KYNU: variants seen among roughly 807,000 people sequenced by gnomAD.
The protein encoded by KYNU is kynureninase.
Under a neutral mutation model 59.2 loss-of-function variants are expected in KYNU, and 54 were observed. That is an observed-to-expected ratio of 0.91 (90% CI 0.73 to 1.14). The LOEUF is 1.14. Among genes scored for constraint, KYNU ranks in the 50% most tolerant of loss-of-function variants. The pLI, the probability that KYNU is intolerant of heterozygous loss-of-function variation, is 0.00. For synonymous variants in KYNU, 177 were observed against 192.0 expected (o/e 0.92, Z 0.65); for missense variants, 567 against 554.4 (o/e 1.02, Z -0.23).
intron 10 of KYNU, among the ~76,000 whole-genome samples, chr2:143,024,153 T>C (rs1488399304): frequency 2.0e-5 from 3 of 151,990 alleles, no homozygotes; most frequent in East Asian, 1.9e-4. Flanking sequence ...TTTAACTTTC[T>C]TGATATTCAC....
chr2:142,969,037 T>C (rs1684632680), intron 8 of KYNU, among the ~76,000 whole-genome samples: 1 of 152,198 alleles, frequency 6.6e-6, no homozygotes, highest in African/African-American at 2.4e-5. Context: ...ATCATTTTTA[T>C]TCATCCTCAT....
intron 2 of KYNU, among the ~76,000 whole-genome samples, chr2:142,907,682 G>GAC (rs543381886): frequency 2.0e-5 from 3 of 150,628 alleles, no homozygotes; most frequent in Non-Finnish European, 4.5e-5. Flanking sequence ...CCTGATCATT[G>GAC]TCCCCCCGTT....
chr2:143,029,675 T>TAACAGTAA lies in KYNU; in HGVS notation c.952_955+4dup, dbSNP rs1487060066. 6.6e-7 allele frequency: 1 copy of TAACAGTAA among 1,524,458 alleles called. No homozygotes were observed. Among genetic ancestry groups the TAACAGTAA allele is most frequent in the Admixed American group, 1.7e-5 (1 of 59,924 alleles). The allele number at this position is 1,524,458 out of a possible 1,614,324, so 94.4% of individuals were successfully genotyped here. On this transcript the variant is annotated frameshift_variant, in exon 11 of 14. Transcript: ENST00000264170. LOFTEE classifies it high-confidence loss of function. ...AACTCAGCACCAGATTTAAGATGGA[T>TAACAGTAA]AACAGTAAGTGTATTTATTTTACCT...
chr2:143,028,478 A>T (rs1292685108), intron 10 of KYNU, among the ~76,000 whole-genome samples: 1 of 148,304 alleles, frequency 6.7e-6, no homozygotes, highest in Non-Finnish European at 1.5e-5. Flanking sequence ...TCCTGACCTC[A>T]TGATCCACCC....
chr2:142,983,777 A>T (rs146086857), intron 8 of KYNU, among the ~76,000 whole-genome samples: 1 of 152,224 alleles, frequency 6.6e-6, no homozygotes, highest in East Asian at 1.9e-4. Context: ...AATGCATTAC[A>T]TATTAACATA....
chr2:142,900,377 T>C lies in KYNU; in HGVS notation c.169+14841T>C, dbSNP rs188136896. On this transcript the variant is annotated intron_variant, in intron 2 of 13. Coordinates refer to ENST00000264170, the MANE Select transcript of KYNU (RefSeq NM_003937.3). ...AAGAGTGTGCAGTTGCAAGATTTAA[T>C]AGAGTGAAAACAGAGCTCCCATACA... is the stretch of plus-strand genomic sequence containing the variant. 2.0e-5 allele frequency among the ~76,000 whole-genome samples: 3 copies of C among 152,240 alleles called. No individual in the cohort carries two copies. The East Asian group carries it at 5.8e-4, about 29-fold the overall frequency.
intron 10 of KYNU, chr2:142,988,792 C>A: frequency 1.6e-6 from 2 of 1,280,184 alleles, no homozygotes; most frequent in South Asian, 1.2e-5. Flanking sequence ...AACTTCTAGC[C>A]TTGGCTCTCT....
chr2:142,932,413 G>A (rs543854669), intron 4 of KYNU, among the ~76,000 whole-genome samples: 1 of 151,920 alleles, frequency 6.6e-6, no homozygotes, highest in East Asian at 1.9e-4. Context: ...AGGGCTATTT[G>A]TTTCACTACC....
chr2:142,926,047 G>A (rs982580476), intron 3 of KYNU, among the ~76,000 whole-genome samples: 5 of 152,034 alleles, frequency 3.3e-5, no homozygotes, highest in Non-Finnish European at 5.9e-5. Flanking sequence ...ACCAAGCACC[G>A]CATGTTCTCA....
rs1687287686 is a variant in KYNU at position 143,052,774 on chromosome 2, C to T, written c.*10602C>T. 1 of 152,334 alleles carries T rather than the reference C, an allele frequency of 6.6e-6. No individual in the cohort carries two copies. The highest frequency in any genetic ancestry group is 2.4e-5 in the African/African-American group (1 of 41,474). 9.4% of individuals were successfully genotyped at this position (152,334 alleles called of 1,614,324 possible). ...CAGGGGCAAGGCCCTCATGGAGAAC[C>T]TCTGCTAGGGCAGTGAAGAAGGGAA... On this transcript the variant is annotated 3_prime_UTR_variant, in exon 14 of 14. Transcript: ENST00000264170.
At chr2:142,883,012 G>A (rs948275168) in intron 1 of KYNU, among the ~76,000 whole-genome samples, 1 of 151,954 alleles carries the variant, frequency 6.6e-6, no homozygotes, top group Admixed American at 6.6e-5. Context: ...ACTTTTTAAT[G>A]ATCGCCATTC....
intron 2 of KYNU, among the ~76,000 whole-genome samples, chr2:142,917,598 G>C (rs1682707486): frequency 6.6e-6 from 1 of 152,142 alleles, no homozygotes; most frequent in South Asian, 2.1e-4. Context: ...CACTGTGCCT[G>C]GCTGACATGA....
At chr2:142,967,570 G>A (rs758973012) in intron 8 of KYNU, 43 of 152,120 alleles carry the variant, frequency 2.8e-4, no homozygotes, top group African/African-American at 8.7e-4. Context: ...TCAGAAATAC[G>A]AATAAAGACA....
intron 10 of KYNU, among the ~76,000 whole-genome samples, chr2:142,997,868 G>C (rs567640030): frequency 6.6e-6 from 1 of 152,074 alleles, no homozygotes. Flanking sequence ...ATCAAGGAGA[G>C]TTTGGATATT....
chr2:142,992,170 CATGGCTAATGATAAT>C (rs1558964220), intron 10 of KYNU, among the ~76,000 whole-genome samples: 1 of 151,830 alleles, frequency 6.6e-6, no homozygotes, highest in African/African-American at 2.4e-5. Context: ...ATCACAAAAT[CATGGCTAATGATAAT>C]ATGTCAGAGC....
intron 8 of KYNU, among the ~76,000 whole-genome samples, chr2:142,966,709 C>G (rs62169909): frequency 6.6e-6 from 1 of 152,072 alleles, no homozygotes; most frequent in Admixed American, 6.5e-5. Context: ...TTATTTTGTC[C>G]ATTTAACAAA....
intron 10 of KYNU, among the ~76,000 whole-genome samples, chr2:143,018,713 C>T (rs1686328389): frequency 6.6e-6 from 1 of 152,012 alleles, no homozygotes; most frequent in Non-Finnish European, 1.5e-5. Flanking sequence ...GGTGTTGAAT[C>T]TGTAGATTGC....
At chr2:142,959,689 G>A (rs1684275821) in intron 7 of KYNU, among the ~76,000 whole-genome samples, 1 of 152,058 alleles carries the variant, frequency 6.6e-6, no homozygotes, top group African/African-American at 2.4e-5. Flanking sequence ...TTGTTTGCAA[G>A]ACCAAATCTA....
Position 143,043,303 on chromosome 2 carries a change from A to G in KYNU, c.*1131A>G, listed in dbSNP as rs546632521. 1 of 152,082 alleles carries G rather than the reference A, an allele frequency of 6.6e-6. No homozygotes were observed. Among genetic ancestry groups the G allele is most frequent in the East Asian group, 1.9e-4 (1 of 5,178 alleles). The allele number at this position is 152,082 out of a possible 1,614,324, so 9.4% of individuals were successfully genotyped here. The stretch of plus-strand genomic sequence containing the variant: ...TTTCTTACCCACTGTGAAAAACCTA[A>G]AGTTACACTTAGCCCTGTTGGACTT... On this transcript the variant is annotated 3_prime_UTR_variant, in exon 14 of 14. Transcript: ENST00000264170.
Sources: gnomAD v4.1 joint callset for allele counts (sites outside exome capture counted in the v4.1 genomes callset) on GRCh38, gnomAD v4.1.1 for gene constraint, MANE v1.5 for transcripts, NCBI Gene and HGNC (gene_info 2026-07-23, HGNC 2026-07-21) for gene names.